Variants in NAV3 observed in about 807,000 individuals in gnomAD.
NAV3 encodes pore membrane and/or filament interacting like protein 1.
A neutral mutation model predicts 244.7 loss-of-function variants in NAV3; 87 were observed. The observed-to-expected ratio is 0.36, with a 90% CI of 0.30 to 0.42. The LOEUF (loss-of-function observed/expected upper bound fraction) is 0.42. Ranked by LOEUF, NAV3 falls within the 20% of genes least tolerant of loss-of-function variation. NAV3 has a pLI of 1.00. For missense variants in NAV3, 2,663 were observed against 2,893.3 expected (o/e 0.92, Z 1.83); for synonymous variants, 1,126 against 1,042.2 (o/e 1.08, Z -1.55).
chr12:78,008,044 A>T (rs182197790), intron 8 of NAV3, among the ~76,000 whole-genome samples: 2 of 152,332 alleles, frequency 1.3e-5, no homozygotes. Flanking sequence ...GGTCATGCAT[A>T]TAACATGTTT....
At chr12:77,893,992 C>A (rs1438389889) in intron 1 of NAV3, among the ~76,000 whole-genome samples, 2 of 152,090 alleles carry the variant, frequency 1.3e-5, no homozygotes, top group Non-Finnish European at 2.9e-5. Context: ...TTATTTTTGC[C>A]TTTCAGTGAG....
intron 1 of NAV3, among the ~76,000 whole-genome samples, chr12:77,923,487 T>C (rs1019559148): frequency 5.9e-5 from 9 of 152,124 alleles, no homozygotes; most frequent in African/African-American, 2.2e-4. Context: ...ATGTCATAAA[T>C]GATGGTTAGT....
chr12:78,093,574 GA>G (rs1469192340), intron 12 of NAV3, among the ~76,000 whole-genome samples: 6 of 152,030 alleles, frequency 3.9e-5, no homozygotes, highest in African/African-American at 1.4e-4. Flanking sequence ...TACAGCAGTG[GA>G]AAAGCTATAG....
At chr12:78,001,124 C>T (rs1008719205) in intron 7 of NAV3, among the ~76,000 whole-genome samples, 1 of 152,036 alleles carries the variant, frequency 6.6e-6, no homozygotes, top group Admixed American at 6.6e-5. Context: ...GATGAGTTGA[C>T]CTCTATCACA....
intron 1 of NAV3, among the ~76,000 whole-genome samples, chr12:77,842,322 C>T (rs1281821111): frequency 6.6e-6 from 1 of 151,938 alleles, no homozygotes; most frequent in African/African-American, 2.4e-5. Flanking sequence ...TTAATTTCTT[C>T]TGTTCCAACC....
intron 1 of NAV3, among the ~76,000 whole-genome samples, chr12:77,854,380 C>T (rs369276104): frequency 3.9e-5 from 6 of 152,124 alleles, no homozygotes; most frequent in African/African-American, 1.4e-4. Context: ...TCCCCTAAAT[C>T]GTACTTTTAT....
chr12:77,670,783 A>G (rs1288269833), intron 2 of NAV3, among the ~76,000 whole-genome samples: 1 of 152,050 alleles, frequency 6.6e-6, no homozygotes, highest in Non-Finnish European at 1.5e-5. Context: ...AGAAGGGGCA[A>G]ACCTTAGGGT....
chr12:78,200,660 A>T, intron 38 of NAV3, 69 bp downstream of exon 38: 1 of 688,322 alleles, frequency 1.5e-6, no homozygotes. Flanking sequence ...CTTTAAAAGC[A>T]AAAAAAAATA....
chr12:78,005,585 A>G (rs1441283166), intron 7 of NAV3, among the ~76,000 whole-genome samples: 1 of 152,220 alleles, frequency 6.6e-6, no homozygotes, highest in Non-Finnish European at 1.5e-5. Flanking sequence ...ATGTGTGCAC[A>G]TTAAAGTTTT....
chr12:77,797,041 T>C (rs774716982), intron 2 of NAV3, among the ~76,000 whole-genome samples: 2 of 152,176 alleles, frequency 1.3e-5, no homozygotes, highest in Non-Finnish European at 2.9e-5. Flanking sequence ...CTTGCTTTTG[T>C]CTAAGATGTG....
chr12:78,058,318 C>A (rs1883816338), intron 11 of NAV3, among the ~76,000 whole-genome samples: 1 of 152,122 alleles, frequency 6.6e-6, no homozygotes, highest in Non-Finnish European at 1.5e-5. Flanking sequence ...TATTACATGG[C>A]ACACCGCAGG....
intron 9 of NAV3, among the ~76,000 whole-genome samples, chr12:78,027,270 T>TAA (rs879393857): frequency 7.0e-6 from 1 of 141,940 alleles, no homozygotes; most frequent in Admixed American, 7.0e-5. Flanking sequence ...ACCCTGTCTC[T>TAA]AAAAAAAAAA....
At chr12:77,742,012 TTTGA>T (rs1868345972) in intron 2 of NAV3, among the ~76,000 whole-genome samples, 1 of 152,140 alleles carries the variant, frequency 6.6e-6, no homozygotes, top group African/African-American at 2.4e-5. Flanking sequence ...CAAAGTTTTC[TTTGA>T]TTATTAGCAT....
Position 78,007,300 on chromosome 12 carries a change from G to T in NAV3, c.1762G>T (p.Ala588Ser). 6.2e-7 allele frequency: 1 copy of T among 1,614,196 alleles called. No homozygotes were observed. Among genetic ancestry groups the T allele is most frequent in the Non-Finnish European group, 8.5e-7 (1 of 1,180,030 alleles). ...SCPAPLEGRE[A>S]GQASPSGSCT... ...TCCTGCCCCTTTGGAAGGAAGGGAA[G>T]CTGGCCAAGCTTCTCCTTCTGGTTC... The change falls in exon 8 of 40, where the codon GCT (alanine) becomes TCT (serine). Residue 588 changes from alanine to serine, a missense_variant. By Grantham distance (99) the Ala-to-Ser change is moderately conservative (BLOSUM62 1). This residue lies in a region of NAV3 where 1,521 missense variants were observed against 1,497.0 expected (regional missense o/e 1.02). Transcript: ENST00000397909.
At chr12:78,175,272 A>G (rs955717102) in intron 24 of NAV3, 34 bp from the exon 25 acceptor site, 8 of 1,606,382 alleles carry the variant, frequency 5.0e-6, no homozygotes, top group South Asian at 2.2e-5. Flanking sequence ...GAGACTCTTC[A>G]TGAGCCGATG....
intron 1 of NAV3, among the ~76,000 whole-genome samples, chr12:77,907,279 A>G (rs1677904): frequency 0.11 from 16,823 of 152,184 alleles, 1,070 homozygotes; most frequent in South Asian, 0.2. Flanking sequence ...GGTAACATGT[A>G]TGTATTCCCA....
rs1883172033 is a variant in NAV3 at position 78,054,282 on chromosome 12, A to G, written c.2516+3135A>G. On this transcript the variant is annotated intron_variant, in intron 11 of 39. Transcript: ENST00000397909. ...CATAAAATGTAATTTTCAGAATCAA[A>G]GGGACAGTGGATTAGATGATATTGA... Among the ~76,000 whole-genome samples the G allele has an allele frequency of 3.3e-5, 5 of 152,242 alleles. No homozygotes were observed. The South Asian group carries it at 1.0e-3, about 31-fold the overall frequency.
intron 11 of NAV3, among the ~76,000 whole-genome samples, chr12:78,057,831 C>G (rs1310294184): frequency 1.3e-5 from 2 of 152,160 alleles, no homozygotes; most frequent in Non-Finnish European, 2.9e-5. Context: ...TACACTCAAC[C>G]ATCCTTACAC....
chr12:77,985,518 G>T (rs1392787948), intron 5 of NAV3, among the ~76,000 whole-genome samples: 1 of 151,628 alleles, frequency 6.6e-6, no homozygotes, highest in Admixed American at 6.6e-5. Flanking sequence ...CTAAAGGTGG[G>T]ATTAGTCACT....
Sources: gnomAD v4.1 joint callset for allele counts (sites outside exome capture counted in the v4.1 genomes callset) on GRCh38, gnomAD v4.1.1 for gene constraint, gnomAD v4.1.1 regional missense constraint, MANE v1.5 for transcripts, NCBI Gene and HGNC (gene_info 2026-07-23, HGNC 2026-07-21) for gene names.